Variants in FHIT observed in about 807,000 individuals in gnomAD.
FHIT encodes the protein bis(5'-adenosyl)-triphosphatase.
In FHIT, 19 loss-of-function variants were observed where a neutral mutation model predicts 17.9. That is an observed-to-expected ratio of 1.06 (90% CI 0.74 to 1.56). The LOEUF (loss-of-function observed/expected upper bound fraction) is 1.56. Ranked by LOEUF, FHIT falls within the 40% of genes most tolerant of loss-of-function variation. The pLI, the probability that FHIT is intolerant of heterozygous loss-of-function variation, is 0.00. For missense variants in FHIT, 248 were observed against 189.2 expected, an observed-to-expected ratio of 1.31 and a Z score of -1.82; for synonymous variants, 81 against 69.7, an observed-to-expected ratio of 1.16 and a Z score of -0.81.
chr3:60,875,868 T>G (rs1704627918), intron 3 of FHIT, among the ~76,000 whole-genome samples: 1 of 151,760 alleles, frequency 6.6e-6, no homozygotes, highest in African/African-American at 2.4e-5. Flanking sequence ...GCCCCCATTC[T>G]AAATAAGTAT....
At chr3:60,602,271 C>T (rs1211315220) in intron 4 of FHIT, among the ~76,000 whole-genome samples, 2 of 152,138 alleles carry the variant, frequency 1.3e-5, no homozygotes, top group African/African-American at 4.8e-5. Context: ...GCTGTTCAAA[C>T]ATCTAAGAAG....
chr3:60,376,529 G>C (rs918417591), intron 5 of FHIT, among the ~76,000 whole-genome samples: 6 of 152,124 alleles, frequency 3.9e-5, no homozygotes, highest in African/African-American at 2.4e-5. Flanking sequence ...TTCAGCAAAA[G>C]AGTCTTCTAT....
At chr3:60,664,027 G>C (rs139963090) in intron 4 of FHIT, among the ~76,000 whole-genome samples, 107 of 152,148 alleles carry the variant, frequency 7.0e-4, no homozygotes, top group African/African-American at 2.5e-3. Flanking sequence ...AGACTTTCCA[G>C]TACTGGTTGA....
intron 4 of FHIT, among the ~76,000 whole-genome samples, chr3:60,549,054 T>TA (rs2036461656): frequency 6.6e-6 from 1 of 152,194 alleles, no homozygotes; most frequent in Non-Finnish European, 1.5e-5. Context: ...AAATATTTGA[T>TA]AAGTGCTAGT....
At chr3:60,348,753 A>G (rs986166423) in intron 5 of FHIT, among the ~76,000 whole-genome samples, 2 of 152,244 alleles carry the variant, frequency 1.3e-5, no homozygotes, top group Non-Finnish European at 2.9e-5. Context: ...GGCCAATGTG[A>G]TATCAGCAAA....
rs139684970 is a variant in FHIT, at chr3:60,560,844, C to CACACACAGAGAG, written c.-17-23866_-17-23865insCTCTCTGTGTGT. Among the ~76,000 whole-genome samples, 190 of 122,346 alleles carry CACACACAGAGAG rather than the reference C, an allele frequency of 1.6e-3. 1 individual carries two copies. The highest frequency in any genetic ancestry group is 0.012 in the East Asian group (43 of 3,570). The allele number at this position is 122,346 out of a possible 152,430, so 80.3% of individuals were successfully genotyped here. A position where few individuals can be genotyped will look rare whatever the true frequency, so the allele number is the denominator to read the frequency against. ...ACACACACACACACACACACACACACAGAGAGAGAGAGAGTGTGTGTGTGT... is the reference window on the plus strand; with the variant it reads ...ACACACACACACACACACACACACACACACACAGAGAGAGAGAGAGAGAGAGTGTGTGTGTGT... On this transcript the variant is annotated intron_variant, in intron 4 of 9. Transcript: ENST00000492590.
rs189091155 is a variant in FHIT, at chr3:60,120,946, T to C, written c.104-106794A>G. On this transcript the variant is annotated intron_variant, in intron 5 of 9. Coordinates refer to ENST00000492590, the MANE Select transcript of FHIT (RefSeq NM_002012.4). ...AAATTTTGCCTTTAGGTTTATATCA[T>C]GTGCAATGAGTTTTAAAAGGCTTTC... 1.8e-4 allele frequency among the ~76,000 whole-genome samples: 27 copies of C among 152,308 alleles called. No homozygotes were observed. In the East Asian group the frequency reaches 5.0e-3, roughly 28 times the overall value.
chr3:60,306,897 C>T (rs758657501), intron 5 of FHIT, among the ~76,000 whole-genome samples: 3 of 152,084 alleles, frequency 2.0e-5, no homozygotes, highest in Non-Finnish European at 4.4e-5. Flanking sequence ...GAGGATTGAT[C>T]GTGAGAGTGT....
At chr3:60,215,807 G>C (rs1559734781) in intron 5 of FHIT, among the ~76,000 whole-genome samples, 1 of 152,156 alleles carries the variant, frequency 6.6e-6, no homozygotes, top group Admixed American at 6.5e-5. Flanking sequence ...AACATGTACA[G>C]AGCCTGGGCT....
At chr3:60,387,049 G>A (rs185218507) in intron 5 of FHIT, among the ~76,000 whole-genome samples, 19 of 143,060 alleles carry the variant, frequency 1.3e-4, no homozygotes, top group African/African-American at 4.2e-4. Flanking sequence ...GTGCAACAGC[G>A]CTATCTCAGC....
intron 7 of FHIT, among the ~76,000 whole-genome samples, chr3:59,988,419 T>G (rs1346346639): frequency 6.6e-6 from 1 of 152,090 alleles, no homozygotes; most frequent in South Asian, 2.1e-4. Context: ...TAAAGCAAAA[T>G]TGTAAACATT....
intron 4 of FHIT, among the ~76,000 whole-genome samples, chr3:60,664,345 C>T (rs2040332596): frequency 6.6e-6 from 1 of 152,002 alleles, no homozygotes; most frequent in Admixed American, 6.5e-5. Flanking sequence ...CATCATATTA[C>T]ATAATTCTTT....
intron 5 of FHIT, among the ~76,000 whole-genome samples, chr3:60,152,193 AT>A (rs1477965675): frequency 3.3e-5 from 5 of 152,130 alleles, no homozygotes; most frequent in Non-Finnish European, 7.4e-5. Flanking sequence ...TGGCAAGCAT[AT>A]TTACATATTT....
intron 5 of FHIT, among the ~76,000 whole-genome samples, chr3:60,535,262 G>A (rs1262871892): frequency 6.6e-6 from 1 of 152,106 alleles, no homozygotes; most frequent in East Asian, 1.9e-4. Context: ...ACATCTCTGT[G>A]ACCTCTAATT....
chr3:60,870,245 GTATT>G (rs1391529275), intron 3 of FHIT, among the ~76,000 whole-genome samples: 1 of 70,166 alleles, frequency 1.4e-5, no homozygotes, highest in Non-Finnish European at 2.8e-5. Context: ...CAATACAGAG[GTATT>G]TAAACACACA....
intron 5 of FHIT, among the ~76,000 whole-genome samples, chr3:60,506,369 T>A (rs1461623688): frequency 6.6e-6 from 1 of 152,162 alleles, no homozygotes; most frequent in Non-Finnish European, 1.5e-5. Context: ...TTGGAGAAAT[T>A]ATTTATCATA....
At chr3:60,861,735 G>A (rs1553752674) in intron 3 of FHIT, among the ~76,000 whole-genome samples, 2 of 151,886 alleles carry the variant, frequency 1.3e-5, no homozygotes, top group African/African-American at 2.4e-5. Flanking sequence ...GAAAAGGTAA[G>A]GGATCAAGCA....
At chr3:60,964,925 T>C (rs1400019076) in intron 3 of FHIT, among the ~76,000 whole-genome samples, 2 of 152,168 alleles carry the variant, frequency 1.3e-5, no homozygotes, top group Non-Finnish European at 2.9e-5. Flanking sequence ...TTGCTCTTCT[T>C]GAGGAGTATC....
At chr3:60,716,121 G>A (rs2041677220) in intron 4 of FHIT, among the ~76,000 whole-genome samples, 2 of 152,106 alleles carry the variant, frequency 1.3e-5, no homozygotes, top group Non-Finnish European at 2.9e-5. Context: ...GTGCATGCCT[G>A]TAATCCCAGC....
Sources: allele counts gnomAD v4.1 joint callset (sites outside exome capture counted in the v4.1 genomes callset), GRCh38; gene constraint gnomAD v4.1.1; transcripts MANE v1.5; gene names NCBI Gene and HGNC (gene_info 2026-07-23, HGNC 2026-07-21).